Variants in MIER1 observed in about 807,000 individuals in gnomAD.
MIER1 encodes mesoderm induction early response protein 1.
In MIER1, 40 loss-of-function variants were observed where a neutral mutation model predicts 75.7. The observed-to-expected ratio is 0.53, with a 90% CI of 0.41 to 0.69. MIER1 has a LOEUF of 0.69. Among genes scored for constraint, MIER1 ranks in the 30% least tolerant of loss-of-function variants. MIER1 has a pLI of 0.00. For synonymous variants in MIER1, 213 were observed against 223.4 expected (o/e 0.95, Z 0.42); for missense variants, 574 against 680.2 (o/e 0.84, Z 1.74).
chr1:66,946,177 A>C lies in MIER1; in HGVS notation c.221A>C (p.Glu74Ala), dbSNP rs774432038. Reference sequence around the variant, plus strand: ...GGTTCAGCAACATCAGATGACCATGAATTTGATCCATCAGCTGACATGCTG... The same window carrying C: ...GGTTCAGCAACATCAGATGACCATGCATTTGATCCATCAGCTGACATGCTG... ...PGGSATSDDH[E>A]FDPSADMLVH... is the part of the protein sequence containing the mutation. Residue 74 changes from glutamate to alanine, a missense_variant, in exon 4 of 14, where the codon GAA (glutamate) becomes GCA (alanine). Glu to Ala is a moderately radical substitution (Grantham distance 107). Coordinates refer to ENST00000401041, the MANE Select transcript of MIER1 (RefSeq NM_001077700.3). The C allele has an allele frequency of 1.2e-6, 2 of 1,610,876 alleles. No individual in the cohort carries two copies. The highest frequency in any genetic ancestry group is 2.2e-5 in the East Asian group (1 of 44,634).
At chr1:66,943,454 G>T (rs998683579) in intron 3 of MIER1, among the ~76,000 whole-genome samples, 2 of 152,000 alleles carry the variant, frequency 1.3e-5, no homozygotes, top group African/African-American at 4.8e-5. Flanking sequence ...CTGGTATAAG[G>T]TATCTGATTT....
intron 2 of MIER1, among the ~76,000 whole-genome samples, chr1:66,939,220 T>C (rs1043777946): frequency 9.2e-5 from 14 of 152,256 alleles, no homozygotes; most frequent in African/African-American, 3.1e-4. Context: ...GTCTTATGTT[T>C]GTAGATTATT....
At position 66,988,105 on chromosome 1, in the gene MIER1, T is replaced by TA. The variant is rs1667011137; in HGVS notation, c.*3206dup. On this transcript the variant is annotated 3_prime_UTR_variant, in exon 14 of 14. Coordinates refer to ENST00000401041, the MANE Select transcript of MIER1 (RefSeq NM_001077700.3). ...GAGGGCTGGTGAATATAATAGGCAA[T>TA]ATTTACATGGGGTGTGTAACTAAAT... 8.6e-6 allele frequency: 1 copy of TA among 116,534 alleles called. No individual in the cohort carries two copies. The highest frequency in any genetic ancestry group is 2.0e-5 in the Non-Finnish European group (1 of 49,808). The allele number at this position is 116,534 out of a possible 1,614,324, so 7.2% of individuals were successfully genotyped here.
intron 2 of MIER1, among the ~76,000 whole-genome samples, chr1:66,931,120 C>A (rs1653228926): frequency 1.4e-5 from 2 of 143,202 alleles, no homozygotes; most frequent in African/African-American, 5.2e-5. Flanking sequence ...TCTAATTTTT[C>A]TTTCATTGGA....
Position 66,955,336 on chromosome 1 carries a change from G to GTTTT in MIER1, c.340-2698_340-2695dup, listed in dbSNP as rs34006160. On this transcript the variant is annotated intron_variant, in intron 4 of 13. Coordinates refer to ENST00000401041, the MANE Select transcript of MIER1 (RefSeq NM_001077700.3). ...TACCAGCAGCATTAGCATCACCTGA[G>GTTTT]TTTTTTTTTTTTTTTTTTTTTTTTT... Among the ~76,000 whole-genome samples the GTTTT allele has an allele frequency of 5.8e-3, 350 of 59,956 alleles. 88 individuals are homozygous for GTTTT. Among genetic ancestry groups the GTTTT allele is most frequent in the African/African-American group, 0.012 (170 of 14,244 alleles). The allele number at this position is 59,956 out of a possible 152,430, so 39.3% of individuals were successfully genotyped here. A position where few individuals can be genotyped will look rare whatever the true frequency, so the allele number is the denominator to read the frequency against.
chr1:66,948,322 A>G (rs1168916268), intron 4 of MIER1: 1 of 643,436 alleles, frequency 1.6e-6, no homozygotes, highest in East Asian at 1.4e-4. Context: ...AATACATAAT[A>G]TCATGAAAAA....
chr1:66,973,020 A>G, intron 11 of MIER1, 29 bp downstream of exon 11: 1 of 1,289,798 alleles, frequency 7.8e-7, no homozygotes, highest in South Asian at 1.2e-5. Flanking sequence ...TTTTTTGCAA[A>G]AAGAAATTTA....
chr1:66,930,710 C>T (rs1478958902), intron 2 of MIER1, among the ~76,000 whole-genome samples: 2 of 151,964 alleles, frequency 1.3e-5, no homozygotes, highest in Admixed American at 6.6e-5. Context: ...GCAACTTCGC[C>T]GGCCGGTGCT....
chr1:66,930,293 C>A, intron 2 of MIER1: 1 of 1,555,088 alleles, frequency 6.4e-7, no homozygotes, highest in Non-Finnish European at 8.7e-7. Flanking sequence ...GCGGCAGAGA[C>A]GGCAGCGGCC....
chr1:66,946,487 G>A (rs1657673005), intron 4 of MIER1, 192 bp downstream of exon 4: 1 of 1,294,008 alleles, frequency 7.7e-7, no homozygotes, highest in Non-Finnish European at 9.8e-7. Flanking sequence ...TTTATTATGT[G>A]CAATAACAGA....
intron 3 of MIER1, among the ~76,000 whole-genome samples, chr1:66,944,315 A>G (rs566552773): frequency 2.6e-5 from 4 of 151,820 alleles, no homozygotes; most frequent in Admixed American, 6.6e-5. Flanking sequence ...AAAATTGTTA[A>G]TTTTTTCAAT....
chr1:66,984,509 A>T (rs933043042), intron 13 of MIER1, 63 bp from the exon 14 acceptor site: 7 of 1,172,182 alleles, frequency 6.0e-6, no homozygotes, highest in Middle Eastern at 2.1e-4. Flanking sequence ...AAGCTGTTTT[A>T]TAATAGTTTG....
intron 2 of MIER1, 79 bp downstream of exon 2, chr1:66,926,321 T>C (rs916049140): frequency 8.7e-7 from 1 of 1,145,536 alleles, no homozygotes. Context: ...ATTACTCTTC[T>C]TATATGTTCC....
At chr1:66,936,364 C>T (rs922864148) in intron 2 of MIER1, among the ~76,000 whole-genome samples, 3 of 151,144 alleles carry the variant, frequency 2.0e-5, no homozygotes, top group Middle Eastern at 3.4e-3. Context: ...GGATTACAGG[C>T]GCCCGCCACC....
intron 3 of MIER1, among the ~76,000 whole-genome samples, chr1:66,945,868 T>G (rs912257300): frequency 2.0e-5 from 3 of 152,120 alleles, no homozygotes; most frequent in Admixed American, 2.0e-4. Flanking sequence ...AAAAAAGAAT[T>G]GAGACTTTTT....
At position 66,985,595 on chromosome 1, in the gene MIER1, CAT is replaced by C; in HGVS notation, c.*698_*699del. 3 of 985,202 alleles carry C rather than the reference CAT, an allele frequency of 3.0e-6. No homozygotes were observed. The highest frequency in any genetic ancestry group is 3.6e-6 in the Non-Finnish European group (3 of 829,714). 61.0% of individuals were successfully genotyped at this position (985,202 alleles called of 1,614,324 possible). A position where few individuals can be genotyped will look rare whatever the true frequency, so the allele number is the denominator to read the frequency against. On this transcript the variant is annotated 3_prime_UTR_variant, in exon 14 of 14. Coordinates refer to ENST00000401041, the MANE Select transcript of MIER1 (RefSeq NM_001077700.3). ...TAGCCTTTGAAAGATTTTTACAGTA[CAT>C]ATGTCTTGACTGAGCTGTCCTTTCT...
chr1:66,940,019 C>G lies in MIER1; in HGVS notation c.169-9C>G. ...AATACTAATTTTTCCTCTTTTCTCC[C>G]CTTCTCAGCCATCTGTTGAATCTTC... On this transcript the variant is annotated splice_polypyrimidine_tract_variant and intron_variant, in intron 2 of 13. Coordinates refer to ENST00000401041, the MANE Select transcript of MIER1 (RefSeq NM_001077700.3). 1.2e-6 allele frequency: 2 copies of G among 1,601,686 alleles called. No individual in the cohort carries two copies. Among genetic ancestry groups the G allele is most frequent in the Non-Finnish European group, 1.7e-6 (2 of 1,169,826 alleles).
At chr1:66,979,084 G>A (rs978567890) in intron 12 of MIER1, among the ~76,000 whole-genome samples, 3 of 151,808 alleles carry the variant, frequency 2.0e-5, no homozygotes, top group African/African-American at 7.3e-5. Context: ...TTCAGTTGTA[G>A]CCCCACTGGG....
chr1:66,939,332 T>G (rs1655634871), intron 2 of MIER1, among the ~76,000 whole-genome samples: 1 of 152,156 alleles, frequency 6.6e-6, no homozygotes, highest in South Asian at 2.1e-4. Flanking sequence ...ATCTTTAAAT[T>G]TTCAAGTTGT....
Sources: gnomAD v4.1 joint callset for allele counts (sites outside exome capture counted in the v4.1 genomes callset) on GRCh38, gnomAD v4.1.1 for gene constraint, MANE v1.5 for transcripts, NCBI Gene and HGNC (gene_info 2026-07-23, HGNC 2026-07-21) for gene names.